Variants in NRG1 observed in about 807,000 individuals in gnomAD.
The protein encoded by NRG1 is neuregulin 1.
A neutral mutation model predicts 63.8 loss-of-function variants in NRG1; 18 were observed. The observed-to-expected ratio is 0.28, with a 90% confidence interval of 0.19 to 0.42. The LOEUF (loss-of-function observed/expected upper bound fraction) is 0.42. NRG1 is among the 10% of genes least tolerant of loss of function. The pLI, the probability that NRG1 is intolerant of heterozygous loss-of-function variation, is 1.00. For missense variants in NRG1, 762 were observed against 814.7 expected (o/e 0.94, Z 0.79); for synonymous variants, 302 against 301.3 (o/e 1.00, Z -0.02).
intron 1 of NRG1, among the ~76,000 whole-genome samples, chr8:32,489,350 A>T (rs957045611): frequency 6.6e-6 from 1 of 152,152 alleles, no homozygotes; most frequent in African/African-American, 2.4e-5. Context: ...AACTCCTGGG[A>T]CCTTATCGGG....
chr8:32,444,522 C>G (rs974747525), intron 1 of NRG1, among the ~76,000 whole-genome samples: 5 of 152,116 alleles, frequency 3.3e-5, no homozygotes, highest in Admixed American at 6.6e-5. Flanking sequence ...TTTTAATCAC[C>G]TATTTTTCTA....
chr8:32,609,621 TTCCCTC>T, intron 3 of NRG1, among the ~76,000 whole-genome samples: 1 of 108,294 alleles, frequency 9.2e-6, no homozygotes, highest in Admixed American at 1.1e-4. Context: ...CTTCCTTCCT[TTCCCTC>T]CCTCCCTCCC....
intron 1 of NRG1, among the ~76,000 whole-genome samples, chr8:32,463,563 C>T (rs1199372872): frequency 6.6e-6 from 1 of 152,144 alleles, no homozygotes; most frequent in African/African-American, 2.4e-5. Context: ...AGAATCCTGA[C>T]TGGGTGCAGT....
chr8:32,605,063 C>T (rs1005535772), intron 2 of NRG1, among the ~76,000 whole-genome samples: 1 of 152,062 alleles, frequency 6.6e-6, no homozygotes, highest in African/African-American at 2.4e-5. Flanking sequence ...TCAAAATTAA[C>T]ATTATTCTTG....
intron 1 of NRG1, among the ~76,000 whole-genome samples, chr8:31,824,529 C>T (rs1824346165): frequency 6.6e-6 from 1 of 152,134 alleles, no homozygotes; most frequent in Admixed American, 6.5e-5. Context: ...GATGGATTCT[C>T]ATCAATGGCC....
chr8:31,960,492 C>G (rs1367653163), intron 1 of NRG1, among the ~76,000 whole-genome samples: 5 of 152,202 alleles, frequency 3.3e-5, no homozygotes, highest in Non-Finnish European at 7.3e-5. Context: ...GCTCTCCTCT[C>G]TGATGAAGAT....
At chr8:32,475,730 C>T (rs1025665411) in intron 1 of NRG1, among the ~76,000 whole-genome samples, 2 of 151,898 alleles carry the variant, frequency 1.3e-5, no homozygotes, top group African/African-American at 4.8e-5. Flanking sequence ...TTTCTTAAGG[C>T]AGAAATGATC....
intron 1 of NRG1, among the ~76,000 whole-genome samples, chr8:32,151,928 AAG>A (rs79906782): frequency 0.037 from 5,613 of 152,104 alleles, 175 homozygotes; most frequent in Admixed American, 0.08. Context: ...GCGCTTCAGA[AAG>A]AGAGAGAGAG....
intron 1 of NRG1, among the ~76,000 whole-genome samples, chr8:31,843,868 G>C (rs1356284680): frequency 6.6e-6 from 1 of 152,110 alleles, no homozygotes; most frequent in Non-Finnish European, 1.5e-5. Context: ...CTTTTCATAG[G>C]TCATTGTCAA....
At chr8:32,023,116 C>T (rs1816717209) in intron 1 of NRG1, among the ~76,000 whole-genome samples, 1 of 152,198 alleles carries the variant, frequency 6.6e-6, no homozygotes, top group African/African-American at 2.4e-5. Flanking sequence ...TATTTACCTG[C>T]ACCCCATCTC....
rs1451298726 is a variant in NRG1, at chr8:32,274,172, G to T, written c.38-321656G>T. ...GTGCTTCAGTGACTAAAAAATACAT[G>T]CAGAGTGCAAGAGCACCTTGCTGAA... On this transcript the variant is annotated intron_variant, in intron 1 of 10. Coordinates refer to the NRG1 transcript ENST00000519301. 2.6e-5 allele frequency among the ~76,000 whole-genome samples: 4 copies of T among 152,182 alleles called. No individual in the cohort carries two copies. In the East Asian group the frequency reaches 7.7e-4, roughly 29 times the overall value.
intron 1 of NRG1, among the ~76,000 whole-genome samples, chr8:32,068,137 G>A (rs968893819): frequency 7.9e-5 from 12 of 152,214 alleles, no homozygotes; most frequent in African/African-American, 2.9e-4. Context: ...GAAGGCCTGA[G>A]TTCTCATCAT....
intron 7 of NRG1, among the ~76,000 whole-genome samples, chr8:32,745,675 G>GGTGTGTGT (rs139114923): frequency 1.4e-4 from 21 of 151,276 alleles, no homozygotes; most frequent in Admixed American, 2.6e-4. Context: ...GTGTGTGGGG[G>GGTGTGTGT]GTGTGTGTGT....
At chr8:32,358,368 GA>G (rs34976612) in intron 1 of NRG1, among the ~76,000 whole-genome samples, 18,264 of 98,168 alleles carry the variant, frequency 0.19, 1,192 homozygotes, top group Non-Finnish European at 0.21. Flanking sequence ...TGCCATTTAT[GA>G]AAAAAAAAAA....
intron 1 of NRG1, among the ~76,000 whole-genome samples, chr8:31,890,633 A>G (rs774272258): frequency 1.4e-4 from 22 of 152,202 alleles, no homozygotes; most frequent in Non-Finnish European, 2.6e-4. Flanking sequence ...TGAATTTTAA[A>G]ATACCTACAT....
chr8:32,390,821 T>C (rs1811658078), intron 1 of NRG1, among the ~76,000 whole-genome samples: 1 of 152,014 alleles, frequency 6.6e-6, no homozygotes, highest in African/African-American at 2.4e-5. Flanking sequence ...AGTACCAGCG[T>C]TCAGCACAGT....
At chr8:32,543,618 C>T (rs1017245640), upstream of NRG1, among the ~76,000 whole-genome samples, 1 of 152,050 alleles carries the variant, frequency 6.6e-6, no homozygotes, top group Non-Finnish European at 1.5e-5. Flanking sequence ...AGTCATGACA[C>T]TACAATCCTG....
Position 31,640,001 on chromosome 8 carries a change from C to T in NRG1, c.37+570C>T. The T allele has an allele frequency of 8.9e-7, 1 of 1,124,354 alleles. No homozygotes were observed. Among genetic ancestry groups the T allele is most frequent in the Non-Finnish European group, 1.1e-6 (1 of 920,238 alleles). 69.6% of individuals were successfully genotyped at this position (1,124,354 alleles called of 1,614,324 possible). Reference sequence around the variant, plus strand: ...CCTCGCACCATGAGATGGCGACGCGCCCCGCGCCGCTCCGGGCGTCCCGGC... The same window carrying T: ...CCTCGCACCATGAGATGGCGACGCGTCCCGCGCCGCTCCGGGCGTCCCGGC... On this transcript the variant is annotated intron_variant, in intron 1 of 10. Coordinates refer to the NRG1 transcript ENST00000519301. This position sits in a 1 kb window ranked among gnomAD's most constrained non-coding sequence, Gnocchi z 6.3.
intron 1 of NRG1, among the ~76,000 whole-genome samples, chr8:31,991,996 C>A (rs544320924): frequency 6.6e-6 from 1 of 151,606 alleles, no homozygotes; most frequent in African/African-American, 2.4e-5. Flanking sequence ...CATCCAAGGG[C>A]GTCTAAATGT....
Sources: gnomAD v4.1 joint callset for allele counts (sites outside exome capture counted in the v4.1 genomes callset) on GRCh38, gnomAD v4.1.1 for gene constraint, Gnocchi (gnomAD v3.1) non-coding constraint, MANE v1.5 for transcripts, NCBI Gene and HGNC (gene_info 2026-07-23, HGNC 2026-07-21) for gene names.